ALCAM: variants seen among roughly 807,000 people sequenced by gnomAD.
ALCAM encodes activated leukocyte cell adhesion molecule.
ALCAM carries 30 observed loss-of-function variants against 70.9 expected under a neutral mutation model. The observed-to-expected ratio is 0.42, with a 90% CI of 0.32 to 0.57. The LOEUF is 0.57. Ranked by LOEUF, ALCAM falls within the 20% of genes least tolerant of loss-of-function variation. The pLI is 0.11. For missense variants in ALCAM, 591 were observed against 695.1 expected (o/e 0.85, Z 1.68); for synonymous variants, 249 against 242.5 (o/e 1.03, Z -0.25).
chr3:105,433,276 G>A (rs568350224), intron 1 of ALCAM, among the ~76,000 whole-genome samples: 58 of 152,186 alleles, frequency 3.8e-4, no homozygotes, highest in African/African-American at 1.2e-3. Context: ...TTCAGTATGC[G>A]TTTTCCAGTC....
At chr3:105,529,115 A>G (rs1302933408) in intron 3 of ALCAM, among the ~76,000 whole-genome samples, 1 of 152,194 alleles carries the variant, frequency 6.6e-6, no homozygotes, top group Non-Finnish European at 1.5e-5. Flanking sequence ...GTGTGGCCCT[A>G]TTATAATATA....
intron 1 of ALCAM, among the ~76,000 whole-genome samples, chr3:105,439,012 T>C (rs1937114354): frequency 6.6e-6 from 1 of 152,132 alleles, no homozygotes; most frequent in Middle Eastern, 3.2e-3. Flanking sequence ...GTAATGACAG[T>C]TGCAAAATAG....
intron 3 of ALCAM, among the ~76,000 whole-genome samples, chr3:105,531,074 A>C (rs79581266): frequency 0.012 from 1,884 of 152,212 alleles, 49 homozygotes; most frequent in African/African-American, 0.044. Context: ...ATTTTGGTCC[A>C]TGAGACTCAC....
At chr3:105,416,712 ATTC>A (rs1223675635) in intron 1 of ALCAM, among the ~76,000 whole-genome samples, 1 of 151,986 alleles carries the variant, frequency 6.6e-6, no homozygotes, top group African/African-American at 2.4e-5. Context: ...GCATTGCCGT[ATTC>A]TTAAGTTCAA....
chr3:105,422,894 G>C (rs183476467), intron 1 of ALCAM, among the ~76,000 whole-genome samples: 5 of 151,574 alleles, frequency 3.3e-5, no homozygotes, highest in Non-Finnish European at 7.4e-5. Flanking sequence ...ATGCTTTTCA[G>C]AAATGATTAC....
At chr3:105,406,732 C>A (rs1388289010) in intron 1 of ALCAM, among the ~76,000 whole-genome samples, 1 of 146,902 alleles carries the variant, frequency 6.8e-6, no homozygotes, top group Non-Finnish European at 1.5e-5. Flanking sequence ...ACAACAACAA[C>A]AAAAAACAAT....
At chr3:105,460,339 A>G (rs1195844817) in intron 1 of ALCAM, among the ~76,000 whole-genome samples, 3 of 151,974 alleles carry the variant, frequency 2.0e-5, no homozygotes, top group African/African-American at 4.8e-5. Flanking sequence ...GAGAAAGTCA[A>G]CTCAGGATAT....
At chr3:105,388,815 G>T (rs1026544912) in intron 1 of ALCAM, among the ~76,000 whole-genome samples, 5 of 151,526 alleles carry the variant, frequency 3.3e-5, no homozygotes, top group Admixed American at 3.3e-4. Context: ...ACACCCTGTG[G>T]ATCTTTAGCT....
chr3:105,460,997 G>GGTGTGT (rs138541739), intron 1 of ALCAM, among the ~76,000 whole-genome samples: 2,302 of 148,248 alleles, frequency 0.016, 24 homozygotes, highest in Middle Eastern at 0.048. Flanking sequence ...AAGTAAATAT[G>GGTGTGT]GTGTGTGTGT....
intron 1 of ALCAM, among the ~76,000 whole-genome samples, chr3:105,402,908 C>T (rs544153779): frequency 1.3e-5 from 2 of 149,956 alleles, no homozygotes; most frequent in South Asian, 4.2e-4. Flanking sequence ...GGCAAGTTTG[C>T]ATCTTCTCTA....
In ALCAM at chr3:105,576,673, G is replaced by A. The variant is rs968074476; in HGVS notation, c.*2222G>A. The A allele has an allele frequency of 6.6e-6, 1 of 152,208 alleles. No individual in the cohort carries two copies. The highest frequency in any genetic ancestry group is 6.6e-5 in the Admixed American group (1 of 15,264). The allele number at this position is 152,208 out of a possible 1,614,324, so 9.4% of individuals were successfully genotyped here. On this transcript the variant is annotated 3_prime_UTR_variant, in exon 16 of 16. Coordinates refer to ENST00000306107, the MANE Select transcript of ALCAM (RefSeq NM_001627.4). ...ATTCAGTGCCTGGATAAAGAGGAAA[G>A]CTTACTTGTTTAATGGCAGCCACAT...
At chr3:105,429,796 T>C (rs1034430234) in intron 1 of ALCAM, among the ~76,000 whole-genome samples, 2 of 152,134 alleles carry the variant, frequency 1.3e-5, no homozygotes, top group Non-Finnish European at 2.9e-5. Context: ...ACAAAACTTA[T>C]GTTTAAAAAT....
intron 1 of ALCAM, among the ~76,000 whole-genome samples, chr3:105,429,143 C>G (rs1358646653): frequency 6.6e-6 from 1 of 151,870 alleles, no homozygotes; most frequent in Non-Finnish European, 1.5e-5. Context: ...ATCTATTTTG[C>G]TTTTAAAACT....
intron 14 of ALCAM, among the ~76,000 whole-genome samples, chr3:105,566,183 G>A (rs752601388): frequency 2.0e-5 from 3 of 152,198 alleles, no homozygotes; most frequent in Non-Finnish European, 4.4e-5. Context: ...TGGTATTCAA[G>A]AGAGGTCCTG....
rs1049635048 is a variant in ALCAM at position 105,576,399 on chromosome 3, A to G, written c.*1948A>G. ...CTAAAATAAAATTACTTCCATATAA[A>G]TATTATTTTCTCTTTTGGTGTGGGA... On this transcript the variant is annotated 3_prime_UTR_variant, in exon 16 of 16. Coordinates refer to ENST00000306107, the MANE Select transcript of ALCAM (RefSeq NM_001627.4). 2 of 152,590 alleles carry G rather than the reference A, an allele frequency of 1.3e-5. No individual in the cohort carries two copies. The highest frequency in any genetic ancestry group is 4.8e-5 in the African/African-American group (2 of 41,442). 9.5% of individuals were successfully genotyped at this position (152,590 alleles called of 1,614,324 possible).
intron 1 of ALCAM, among the ~76,000 whole-genome samples, chr3:105,505,619 A>G (rs1232479864): frequency 6.6e-6 from 1 of 152,210 alleles, no homozygotes; most frequent in Non-Finnish European, 1.5e-5. Context: ...CTGAATTAAT[A>G]CGAATCAGAG....
chr3:105,368,223 A>AAGAGAGAGACAGAGAGAGAGAGAGAGAG (rs1935122828), intron 1 of ALCAM, among the ~76,000 whole-genome samples: 2 of 67,832 alleles, frequency 2.9e-5, no homozygotes, highest in African/African-American at 1.1e-4. Context: ...TGAGTCTTGG[A>AAGAGAGAGACAGAGAGAGAGAGAGAGAG]AGAGAGAGAG....
chr3:105,513,219 A>T (rs1022922812), intron 1 of ALCAM: 5 of 151,792 alleles, frequency 3.3e-5, no homozygotes, highest in Non-Finnish European at 5.9e-5. Context: ...AAAAATACTC[A>T]TCATTTAGGA....
At chr3:105,522,312 C>T (rs1939564340) in intron 2 of ALCAM, among the ~76,000 whole-genome samples, 1 of 152,014 alleles carries the variant, frequency 6.6e-6, no homozygotes, top group African/African-American at 2.4e-5. Context: ...ACAATAATGG[C>T]AATTTTCAAA....
Sources: gnomAD v4.1 joint callset for allele counts (sites outside exome capture counted in the v4.1 genomes callset) on GRCh38, gnomAD v4.1.1 for gene constraint, MANE v1.5 for transcripts, NCBI Gene and HGNC (gene_info 2026-07-23, HGNC 2026-07-21) for gene names.